ERBB4: variants seen among roughly 807,000 people sequenced by gnomAD.
ERBB4 encodes the protein erb-b2 receptor tyrosine kinase 4, also known as receptor tyrosine-protein kinase erbB-4.
In ERBB4, 42 loss-of-function variants were observed where a neutral mutation model predicts 158.0. That is an observed-to-expected ratio of 0.27 (90% CI 0.21 to 0.34). The LOEUF (loss-of-function observed/expected upper bound fraction) is 0.34. ERBB4 is among the 10% of genes least tolerant of loss of function. The pLI, the probability that ERBB4 is intolerant of heterozygous loss-of-function variation, is 1.00. For missense variants in ERBB4, 1,333 were observed against 1,624.1 expected, an observed-to-expected ratio of 0.82 and a Z score of 3.08; for synonymous variants, 583 against 558.7, an observed-to-expected ratio of 1.04 and a Z score of -0.61.
intron 2 of ERBB4, among the ~76,000 whole-genome samples, chr2:212,092,013 T>TGAGAC (rs768704682): frequency 1.7e-4 from 26 of 152,134 alleles, no homozygotes; most frequent in Non-Finnish European, 3.4e-4. Context: ...ACACGTGATA[T>TGAGAC]GTCTCCAGTT....
chr2:211,648,274 T>A (rs1044953274), intron 16 of ERBB4, among the ~76,000 whole-genome samples: 1 of 151,758 alleles, frequency 6.6e-6, no homozygotes, highest in African/African-American at 2.4e-5. Flanking sequence ...AACCCAGGTG[T>A]CATTGGTTGT....
chr2:212,464,586 AAGG>A (rs1487936203), intron 1 of ERBB4, among the ~76,000 whole-genome samples: 5 of 152,108 alleles, frequency 3.3e-5, no homozygotes, highest in Admixed American at 6.6e-5. Context: ...CGTAGTTTCA[AAGG>A]AGTTCTAATT....
At chr2:211,890,914 G>A (rs1320846297) in intron 3 of ERBB4, among the ~76,000 whole-genome samples, 24 of 78,668 alleles carry the variant, frequency 3.1e-4, no homozygotes, top group African/African-American at 1.3e-3. Flanking sequence ...AGCAAGTCCT[G>A]AGTGACCTAC....
rs6723461 is a variant in ERBB4 at position 212,124,685 on chromosome 2, G to C, written c.234+67C>G. On this transcript the variant is annotated intron_variant, in intron 2 of 27. Transcript: ENST00000342788. ...ACCCCTTCCAGGTATCAGCACACAG[G>C]TCTGCCTGTATGCATCATGACGCCA... 0.042 allele frequency: 65,764 copies of C among 1,557,234 alleles called. 2,215 individuals carry two copies. Among genetic ancestry groups the C allele is most frequent in the African/African-American group, 0.17 (12,412 of 73,752 alleles).
chr2:212,002,522 C>G (rs1248142480), intron 2 of ERBB4, among the ~76,000 whole-genome samples: 1 of 151,844 alleles, frequency 6.6e-6, no homozygotes, highest in Non-Finnish European at 1.5e-5. Flanking sequence ...TAAAGCATAG[C>G]AAAAATAAAT....
At chr2:211,739,622 C>T (rs1385091670) in intron 5 of ERBB4, among the ~76,000 whole-genome samples, 2 of 152,134 alleles carry the variant, frequency 1.3e-5, no homozygotes, top group Non-Finnish European at 2.9e-5. Flanking sequence ...TGCCACCAAG[C>T]CCAGCTAATT....
At position 211,495,533 on chromosome 2, in the gene ERBB4, T is replaced by C. The variant is rs991897753; in HGVS notation, c.2488-64433A>G. Among the ~76,000 whole-genome samples the C allele has an allele frequency of 3.9e-5, 6 of 152,084 alleles. 1 individual carries two copies. The highest frequency in any genetic ancestry group is 1.4e-4 in the African/African-American group (6 of 41,450). On this transcript the variant is annotated intron_variant, in intron 20 of 27. Transcript: ENST00000342788. ...AACAGGTTGAATTGGCAATTCACCA[T>C]CTGTCTAAATAGCATTAACCTTCTT...
intron 1 of ERBB4, among the ~76,000 whole-genome samples, chr2:212,197,099 G>A (rs1162212641): frequency 6.6e-6 from 1 of 152,034 alleles, no homozygotes; most frequent in African/African-American, 2.4e-5. Flanking sequence ...GTCAGCTGGG[G>A]GAAGAGACAA....
chr2:211,800,978 T>C (rs1190350126), intron 3 of ERBB4, among the ~76,000 whole-genome samples: 1 of 152,216 alleles, frequency 6.6e-6, no homozygotes, highest in Non-Finnish European at 1.5e-5. Flanking sequence ...TCCAAACTCA[T>C]AAACTTATAA....
rs2062477815 is a variant in ERBB4, at chr2:211,376,621, A to C, written c.*6994T>G. On this transcript the variant is annotated 3_prime_UTR_variant, in exon 28 of 28. Transcript: ENST00000342788. ...AGTGAGTACAAATGTATACACCTTAAGCCTCTGCCTTTTCAGTAAAGTGAC... is the reference window on the plus strand; with the variant it reads ...AGTGAGTACAAATGTATACACCTTACGCCTCTGCCTTTTCAGTAAAGTGAC... 1 of 232,970 alleles carries C rather than the reference A, an allele frequency of 4.3e-6. No individual in the cohort carries two copies. Among genetic ancestry groups the C allele is most frequent in the Non-Finnish European group, 8.5e-6 (1 of 117,592 alleles). The allele number at this position is 232,970 out of a possible 1,614,324, so 14.4% of individuals were successfully genotyped here. A position where few individuals can be genotyped will look rare whatever the true frequency, so the allele number is the denominator to read the frequency against.
chr2:211,673,594 T>C lies in ERBB4; in HGVS notation c.1623-337A>G, dbSNP rs186615645. On this transcript the variant is annotated intron_variant, in intron 13 of 27. Coordinates refer to ENST00000342788, the MANE Select transcript of ERBB4 (RefSeq NM_005235.3). ...ATTTTTACCTTTTTAAATAGGGCTG[T>C]GCCTGTTTTGTCTTTATATACAATT... 3.7e-3 allele frequency among the ~76,000 whole-genome samples: 551 copies of C among 149,520 alleles called. 8 individuals are homozygous for C. The highest frequency in any genetic ancestry group is 3.5e-3 in the Non-Finnish European group (238 of 67,462).
chr2:212,424,527 G>C (rs1244535929), intron 1 of ERBB4, among the ~76,000 whole-genome samples: 1 of 152,080 alleles, frequency 6.6e-6, no homozygotes, highest in Non-Finnish European at 1.5e-5. Context: ...ATAAAAAAGA[G>C]AGCCTTGCTA....
At chr2:211,451,172 C>T (rs1239492278) in intron 20 of ERBB4, among the ~76,000 whole-genome samples, 1 of 152,070 alleles carries the variant, frequency 6.6e-6, no homozygotes, top group Admixed American at 6.6e-5. Flanking sequence ...AGCAGTGCAG[C>T]AGAAATCCAG....
Position 212,192,042 on chromosome 2 carries a change from A to ATGTTATATATGT in ERBB4, c.83-67140_83-67139insACATATATAACA, listed in dbSNP as rs1553589175. ...ATATGTTATATATGTTATATGTTAT[A>ATGTTATATATGT]TATATGTTATATGTTATATATGTTA... On this transcript the variant is annotated intron_variant, in intron 1 of 27. Coordinates refer to ENST00000342788, the MANE Select transcript of ERBB4 (RefSeq NM_005235.3). Among the ~76,000 whole-genome samples, 3 of 48,824 alleles carry ATGTTATATATGT rather than the reference A, an allele frequency of 6.1e-5. No homozygotes were observed. In the South Asian group the frequency reaches 1.5e-3, roughly 25 times the overall value. 32.0% of individuals were successfully genotyped at this position (48,824 alleles called of 152,430 possible).
chr2:211,493,858 G>A (rs2065405808), intron 20 of ERBB4, among the ~76,000 whole-genome samples: 1 of 152,058 alleles, frequency 6.6e-6, no homozygotes, highest in Admixed American at 6.5e-5. Context: ...AATGGCATCA[G>A]TGTCATCTCA....
At chr2:212,073,437 C>A (rs1195785779) in intron 2 of ERBB4, among the ~76,000 whole-genome samples, 70 of 151,902 alleles carry the variant, frequency 4.6e-4, no homozygotes. Flanking sequence ...AGGGTCTTGA[C>A]AGGGATTCTA....
At chr2:212,125,463 T>C (rs2079894935) in intron 1 of ERBB4, among the ~76,000 whole-genome samples, 1 of 152,208 alleles carries the variant, frequency 6.6e-6, no homozygotes. Context: ...CAGGCTTGTT[T>C]ACATAGGTAA....
At chr2:211,801,503 A>G (rs1197128925) in intron 3 of ERBB4, among the ~76,000 whole-genome samples, 1 of 152,080 alleles carries the variant, frequency 6.6e-6, no homozygotes, top group Non-Finnish European at 1.5e-5. Context: ...TGAGTTTGGG[A>G]TATTTTCTTT....
At chr2:212,329,260 T>A (rs2088011348) in intron 1 of ERBB4, among the ~76,000 whole-genome samples, 1 of 151,922 alleles carries the variant, frequency 6.6e-6, no homozygotes, top group South Asian at 2.1e-4. Flanking sequence ...ACTAGGCCTC[T>A]TGCCTGAAGG....
Sources: gnomAD v4.1 joint callset for allele counts (sites outside exome capture counted in the v4.1 genomes callset) on GRCh38, gnomAD v4.1.1 for gene constraint, MANE v1.5 for transcripts, NCBI Gene and HGNC (gene_info 2026-07-23, HGNC 2026-07-21) for gene names.